PAG1: variants seen among roughly 807,000 people sequenced by gnomAD.
PAG1 encodes the protein phosphoprotein associated with glycosphingolipid-enriched microdomains 1.
PAG1 carries 23 observed loss-of-function variants against 31.7 expected under a neutral mutation model. The ratio of observed to expected loss-of-function variants is 0.73; its 90% CI spans 0.52 to 1.03. PAG1 has a LOEUF of 1.03. PAG1 is among the 50% of genes least tolerant of loss of function. The probability of loss-of-function intolerance (pLI) is 0.00; values close to 1 mark genes in which losing one functional copy is unlikely to be tolerated. For missense variants in PAG1, 473 were observed against 540.7 expected, an observed-to-expected ratio of 0.87 and a Z score of 1.24; for synonymous variants, 214 against 210.3, an observed-to-expected ratio of 1.02 and a Z score of -0.15.
intron 3 of PAG1, among the ~76,000 whole-genome samples, chr8:81,024,465 G>A (rs1256306907): frequency 6.6e-6 from 1 of 152,126 alleles, no homozygotes; most frequent in Non-Finnish European, 1.5e-5. Context: ...CCACATATAC[G>A]CAAGTTGGGC....
At chr8:81,106,430 T>C (rs1809694406) in intron 1 of PAG1, among the ~76,000 whole-genome samples, 1 of 152,150 alleles carries the variant, frequency 6.6e-6, no homozygotes, top group African/African-American at 2.4e-5. Context: ...TTTCAGGAGC[T>C]CTGCATTTTT....
In PAG1 at chr8:80,972,684, C is replaced by T. The variant is rs1807101618; in HGVS notation, c.*3860G>A. The T allele has an allele frequency of 6.6e-6, 1 of 152,158 alleles. No individual in the cohort carries two copies. The highest frequency in any genetic ancestry group is 6.5e-5 in the Admixed American group (1 of 15,282). 9.4% of individuals were successfully genotyped at this position (152,158 alleles called of 1,614,324 possible). A position where few individuals can be genotyped will look rare whatever the true frequency, so the allele number is the denominator to read the frequency against. On this transcript the variant is annotated 3_prime_UTR_variant, in exon 9 of 9. Transcript: ENST00000220597. Reference sequence around the variant, plus strand: ...ATAACAAAACTGTCTTAAAATACCACTGTTTTTCAGCCAAGAGAATTACGG... The same window carrying T: ...ATAACAAAACTGTCTTAAAATACCATTGTTTTTCAGCCAAGAGAATTACGG...
intron 2 of PAG1, among the ~76,000 whole-genome samples, chr8:81,048,302 C>CTGGGGGAAG (rs1808674649): frequency 6.6e-6 from 1 of 152,060 alleles, no homozygotes; most frequent in East Asian, 1.9e-4. Context: ...GCTTTTTTCC[C>CTGGGGGAAG]TACACATTTC....
chr8:81,066,781 C>G (rs149028028), intron 2 of PAG1, among the ~76,000 whole-genome samples: 44 of 152,256 alleles, frequency 2.9e-4, no homozygotes, highest in Non-Finnish European at 5.4e-4. Context: ...GTGGCAAAAT[C>G]TTGATACTCT....
chr8:81,005,620 T>C (rs1807861556), intron 3 of PAG1, among the ~76,000 whole-genome samples: 1 of 152,214 alleles, frequency 6.6e-6, no homozygotes, highest in Non-Finnish European at 1.5e-5. Context: ...GACACAACAA[T>C]GGGACAGAAC....
chr8:80,995,085 T>C (rs750218230), intron 3 of PAG1, among the ~76,000 whole-genome samples: 19 of 152,206 alleles, frequency 1.2e-4, no homozygotes, highest in African/African-American at 3.6e-4. Flanking sequence ...TGTGGTTCAA[T>C]TGGACCAAAT....
At chr8:81,065,360 T>C (rs1051059155) in intron 2 of PAG1, among the ~76,000 whole-genome samples, 1 of 152,182 alleles carries the variant, frequency 6.6e-6, no homozygotes, top group Non-Finnish European at 1.5e-5. Flanking sequence ...ACTAGTTACT[T>C]TCAAACGGAA....
intron 2 of PAG1, among the ~76,000 whole-genome samples, chr8:81,048,176 C>T (rs1427707692): frequency 6.6e-6 from 1 of 152,172 alleles, no homozygotes; most frequent in African/African-American, 2.4e-5. Flanking sequence ...GACCACTTAG[C>T]TCTAAGTCCT....
chr8:81,100,486 C>T (rs1301291407), intron 1 of PAG1, among the ~76,000 whole-genome samples: 4 of 152,202 alleles, frequency 2.6e-5, no homozygotes, highest in African/African-American at 7.2e-5. Context: ...TGTATAGCAG[C>T]ATCCCTGGCC....
In PAG1 at chr8:81,083,372, A is replaced by G. The variant is rs1447233410; in HGVS notation, c.-233-13202T>C. ...GGTTCCGCATATGGTTTCTACTTAC[A>G]TGGGGTTGAGGTGGAGGCTCTTGTT... On this transcript the variant is annotated intron_variant, in intron 1 of 8. Transcript: ENST00000220597. 3.3e-5 allele frequency among the ~76,000 whole-genome samples: 5 copies of G among 152,240 alleles called. No individual in the cohort carries two copies. The East Asian group carries it at 9.7e-4, about 29-fold the overall frequency.
At chr8:81,058,898 A>G (rs1314459444) in intron 2 of PAG1, among the ~76,000 whole-genome samples, 3 of 152,206 alleles carry the variant, frequency 2.0e-5, no homozygotes, top group Non-Finnish European at 2.9e-5. Flanking sequence ...TCCTGTCTCA[A>G]AAAATAAAAT....
At position 81,047,134 on chromosome 8, in the gene PAG1, G is replaced by A. The variant is rs1046416281; in HGVS notation, c.-174-17045C>T. Reference sequence around the variant, plus strand: ...GTTGATTCCATGTCTTTGCTATTGCGAATAGTACCGCAATGAACATATGTG... The same window carrying A: ...GTTGATTCCATGTCTTTGCTATTGCAAATAGTACCGCAATGAACATATGTG... On this transcript the variant is annotated intron_variant, in intron 2 of 8. Transcript: ENST00000220597. Among the ~76,000 whole-genome samples, 28 of 152,232 alleles carry A rather than the reference G, an allele frequency of 1.8e-4. No individual in the cohort carries two copies. The East Asian group carries it at 3.1e-3, about 17-fold the overall frequency.
intron 3 of PAG1, among the ~76,000 whole-genome samples, chr8:81,010,166 T>TA (rs1010756029): frequency 1.6e-4 from 25 of 152,216 alleles, no homozygotes; most frequent in African/African-American, 5.8e-4. Context: ...ATAAAACAGA[T>TA]ACAGCTCATT....
chr8:80,986,085 G>C (rs1807413743), intron 6 of PAG1, among the ~76,000 whole-genome samples: 1 of 152,222 alleles, frequency 6.6e-6, no homozygotes, highest in South Asian at 2.1e-4. Context: ...GGGTGCTGCA[G>C]ACACATCATT....
At chr8:81,074,428 G>C (rs1277374874) in intron 1 of PAG1, among the ~76,000 whole-genome samples, 2 of 152,182 alleles carry the variant, frequency 1.3e-5, no homozygotes, top group African/African-American at 4.8e-5. Flanking sequence ...AGAACTGGAG[G>C]GGGTGACAGA....
intron 1 of PAG1, 142 bp from the exon 2 acceptor site, chr8:81,070,312 T>G (rs1809072176): frequency 6.6e-6 from 1 of 152,226 alleles, no homozygotes; most frequent in Non-Finnish European, 1.5e-5. Flanking sequence ...GCTTATTTAA[T>G]TAGCTTTTAC....
intron 2 of PAG1, among the ~76,000 whole-genome samples, chr8:81,057,694 A>G (rs1021904425): frequency 3.9e-5 from 6 of 152,206 alleles, no homozygotes; most frequent in African/African-American, 1.4e-4. Context: ...GTGCACATGT[A>G]CCCTAGGACT....
intron 1 of PAG1, among the ~76,000 whole-genome samples, chr8:81,085,019 T>C (rs1426338137): frequency 6.6e-6 from 1 of 152,172 alleles, no homozygotes; most frequent in East Asian, 1.9e-4. Context: ...AAGAAATGTA[T>C]AAATACAAAT....
chr8:81,080,009 A>C (rs1809240012), intron 1 of PAG1, among the ~76,000 whole-genome samples: 1 of 152,022 alleles, frequency 6.6e-6, no homozygotes, highest in Admixed American at 6.6e-5. Context: ...GGCTCAAGTG[A>C]TCCTCCCATC....
Sources: gnomAD v4.1 joint callset for allele counts (sites outside exome capture counted in the v4.1 genomes callset) on GRCh38, gnomAD v4.1.1 for gene constraint, MANE v1.5 for transcripts, NCBI Gene and HGNC (gene_info 2026-07-23, HGNC 2026-07-21) for gene names.